WDPCP: variants seen among roughly 807,000 people sequenced by gnomAD.
WDPCP encodes the protein WD repeat-containing and planar cell polarity effector protein fritz homolog.
In WDPCP, 71 loss-of-function variants were observed where a neutral mutation model predicts 93.1. The observed-to-expected ratio is 0.76, with a 90% CI of 0.63 to 0.93. The LOEUF is 0.93. Ranked by LOEUF, WDPCP falls within the 40% of genes least tolerant of loss-of-function variation. The probability of loss-of-function intolerance (pLI) is 0.00; values close to 1 mark genes in which losing one functional copy is unlikely to be tolerated. For synonymous variants in WDPCP, 315 were observed against 315.0 expected, an observed-to-expected ratio of 1.00 and a Z score of 0.00; for missense variants, 844 against 887.4, an observed-to-expected ratio of 0.95 and a Z score of 0.62.
At chr2:63,168,203 T>C (rs574568227) in intron 15 of WDPCP, among the ~76,000 whole-genome samples, 1 of 152,160 alleles carries the variant, frequency 6.6e-6, no homozygotes, top group African/African-American at 2.4e-5. Flanking sequence ...TTTTCCTTTA[T>C]AAAGGTGACT....
At chr2:63,549,247 CAAA>C (rs60864094) in intron 1 of WDPCP, among the ~76,000 whole-genome samples, 30 of 87,628 alleles carry the variant, frequency 3.4e-4, no homozygotes, top group Non-Finnish European at 4.7e-4. Flanking sequence ...GAGACTGTCT[CAAA>C]AAAAAAAAAA....
At chr2:63,225,465 T>A (rs1439903976) in intron 14 of WDPCP, among the ~76,000 whole-genome samples, 2 of 151,836 alleles carry the variant, frequency 1.3e-5, no homozygotes, top group African/African-American at 2.4e-5. Context: ...GGAAAAATCC[T>A]AAGAGGTATC....
chr2:63,350,563 C>A (rs1254947384), intron 12 of WDPCP, among the ~76,000 whole-genome samples: 1 of 152,068 alleles, frequency 6.6e-6, no homozygotes, highest in African/African-American at 2.4e-5. Context: ...CATTGTCAGT[C>A]CCTGGAAGTT....
At chr2:63,697,792 G>A (rs911905744) in intron 2 of WDPCP, among the ~76,000 whole-genome samples, 17 of 149,504 alleles carry the variant, frequency 1.1e-4, no homozygotes, top group African/African-American at 4.2e-4. Flanking sequence ...GGACTACAGG[G>A]GTGTACCACC....
intron 9 of WDPCP, among the ~76,000 whole-genome samples, chr2:63,431,184 A>C (rs1696733412): frequency 1.3e-5 from 2 of 152,052 alleles, no homozygotes; most frequent in South Asian, 4.2e-4. Context: ...GCTGTATAGC[A>C]GTGGTTCTCA....
rs758766031 is a variant in WDPCP at position 63,313,350 on chromosome 2, A to G, written c.1749-39T>C. 3.8e-6 allele frequency: 6 copies of G among 1,574,026 alleles called. No individual in the cohort carries two copies. In the African/African-American group the frequency reaches 6.8e-5, roughly 18 times the overall value. On this transcript the variant is annotated intron_variant, in intron 12 of 17. Coordinates refer to ENST00000272321, the MANE Select transcript of WDPCP (RefSeq NM_015910.7). ...AAAAATATTATGTTAGTTGTGAACA[A>G]GAATATATAAAAGAAAAGAGCTGTT...
intron 13 of WDPCP, among the ~76,000 whole-genome samples, chr2:63,287,487 T>C (rs12713477): frequency 0.8 from 121,882 of 152,132 alleles, 49,690 homozygotes; most frequent in East Asian, 0.96. Flanking sequence ...TTCCTAGTAT[T>C]CCTTTCCTCA....
At chr2:63,383,868 A>G (rs979526009) in intron 10 of WDPCP, among the ~76,000 whole-genome samples, 3 of 152,164 alleles carry the variant, frequency 2.0e-5, no homozygotes, top group Non-Finnish European at 4.4e-5. Flanking sequence ...ACTGCACCCA[A>G]CCACAGTAAA....
chr2:63,420,016 C>T (rs1397492429), intron 9 of WDPCP, among the ~76,000 whole-genome samples: 1 of 152,050 alleles, frequency 6.6e-6, no homozygotes, highest in Non-Finnish European at 1.5e-5. Flanking sequence ...TATTTCCCTC[C>T]TTACTTTGTG....
At chr2:63,332,466 C>G (rs1223341976) in intron 12 of WDPCP, among the ~76,000 whole-genome samples, 1 of 152,046 alleles carries the variant, frequency 6.6e-6, no homozygotes, top group Non-Finnish European at 1.5e-5. Flanking sequence ...ATATGTAAAA[C>G]TTATATTTCT....
chr2:63,443,862 T>C (rs975236971), intron 6 of WDPCP, among the ~76,000 whole-genome samples: 2 of 152,140 alleles, frequency 1.3e-5, no homozygotes, highest in Non-Finnish European at 2.9e-5. Context: ...TCAAAGATTT[T>C]TGGCCTGAGC....
At chr2:63,294,273 G>A (rs1684669525) in intron 13 of WDPCP, among the ~76,000 whole-genome samples, 1 of 152,078 alleles carries the variant, frequency 6.6e-6, no homozygotes, top group African/African-American at 2.4e-5. Context: ...GGAGGCTGAG[G>A]CAGGCAGATC....
intron 2 of WDPCP, among the ~76,000 whole-genome samples, chr2:63,662,570 A>G (rs1710237349): frequency 6.6e-6 from 1 of 152,036 alleles, no homozygotes; most frequent in African/African-American, 2.4e-5. Flanking sequence ...GCAGCACAGG[A>G]GAGGAATACC....
chr2:63,565,808 A>G (rs1231902718), intron 1 of WDPCP, among the ~76,000 whole-genome samples: 1 of 152,226 alleles, frequency 6.6e-6, no homozygotes, highest in Non-Finnish European at 1.5e-5. Flanking sequence ...AAAACTTTGC[A>G]AAGGAGATTG....
In WDPCP at chr2:63,556,317, C is replaced by T. The variant is rs535891800; in HGVS notation, c.75+31880G>A. On this transcript the variant is annotated intron_variant, in intron 1 of 17. Coordinates refer to ENST00000272321, the MANE Select transcript of WDPCP (RefSeq NM_015910.7). ...TTAGAGATAAAAGAATGAAAAGGAA[C>T]GAACAAAACCTCCAAGAACTATGGG... Among the ~76,000 whole-genome samples, 7 of 152,192 alleles carry T rather than the reference C, an allele frequency of 4.6e-5. No homozygotes were observed. In the East Asian group the frequency reaches 5.8e-4, roughly 13 times the overall value.
intron 1 of WDPCP, among the ~76,000 whole-genome samples, chr2:63,521,378 G>A (rs1363063423): frequency 6.6e-6 from 1 of 152,018 alleles, no homozygotes. Context: ...CCAAACAAAT[G>A]GAAAACAGAA....
chr2:63,204,123 C>T lies in WDPCP; in HGVS notation c.1916-29291G>A, dbSNP rs374582333. 8.5e-5 allele frequency among the ~76,000 whole-genome samples: 13 copies of T among 152,132 alleles called. No homozygotes were observed. The East Asian group carries it at 1.2e-3, about 14-fold the overall frequency. ...CTATTTTTAGTTTTTTGAGGAACCTCCAACCTGTTCTCCACAGTGGTTGTA... is the reference window on the plus strand; with the variant it reads ...CTATTTTTAGTTTTTTGAGGAACCTTCAACCTGTTCTCCACAGTGGTTGTA... On this transcript the variant is annotated intron_variant, in intron 14 of 17. Transcript: ENST00000272321.
rs1330910489 is a variant in WDPCP, at chr2:63,304,002, A to G, written c.1812+9246T>C. 2.0e-5 allele frequency among the ~76,000 whole-genome samples: 3 copies of G among 147,642 alleles called. No homozygotes were observed. In the East Asian group the frequency reaches 6.0e-4, roughly 29 times the overall value. On this transcript the variant is annotated intron_variant, in intron 13 of 17. Transcript: ENST00000272321. ...AAAAAAAAAACAGATGTAGGCAGGG[A>G]TGTGGAGTAAAGGGAGCCCTTGTAC...
rs539456336 is a variant in WDPCP at position 63,385,442 on chromosome 2, T to C, written c.1436-3348A>G. Among the ~76,000 whole-genome samples the C allele has an allele frequency of 1.4e-4, 22 of 152,234 alleles. 1 individual carries two copies. Among genetic ancestry groups the C allele is most frequent in the Middle Eastern group, 3.4e-3 (1 of 292 alleles). On this transcript the variant is annotated intron_variant, in intron 10 of 17. Coordinates refer to ENST00000272321, the MANE Select transcript of WDPCP (RefSeq NM_015910.7). ...GAGCTTAACAGGATTGCAGGATACA[T>C]AGTCAATATTTTAAAAATTTATTTC...
Sources: gnomAD v4.1 joint callset for allele counts (sites outside exome capture counted in the v4.1 genomes callset) on GRCh38, gnomAD v4.1.1 for gene constraint, MANE v1.5 for transcripts, NCBI Gene and HGNC (gene_info 2026-07-23, HGNC 2026-07-21) for gene names.